SYNM: variants seen among roughly 807,000 people sequenced by gnomAD.
SYNM encodes the protein desmuslin.
In SYNM, 95 loss-of-function variants were observed where a neutral mutation model predicts 104.0. The ratio of observed to expected loss-of-function variants is 0.91; its 90% CI spans 0.77 to 1.08. The LOEUF (loss-of-function observed/expected upper bound fraction) is 1.08. Among genes scored for constraint, SYNM ranks in the 50% least tolerant of loss-of-function variants. The probability of loss-of-function intolerance (pLI) is 0.00; values close to 1 mark genes in which losing one functional copy is unlikely to be tolerated. For missense variants in SYNM, 2,150 were observed against 2,052.2 expected, an observed-to-expected ratio of 1.05 and a Z score of -0.92; for synonymous variants, 918 against 869.0, an observed-to-expected ratio of 1.06 and a Z score of -0.99.
At chr15:99,138,613 C>G (rs1220856657), downstream of SYNM, among the ~76,000 whole-genome samples, 1 of 152,220 alleles carries the variant, frequency 6.6e-6, no homozygotes, top group Non-Finnish European at 1.5e-5. Context: ...TCGCCTGGCC[C>G]CTCCCATCTT....
rs372776089 is a variant in SYNM at position 99,113,734 on chromosome 15, G to T, written c.935+19G>T. ...CCTACCGGTAAGGAGACTGTGCTGA[G>T]TTGGCCTTGACGAAGCCATGGGGGT... On this transcript the variant is annotated intron_variant, in intron 2 of 3. Transcript: ENST00000336292. The T allele has an allele frequency of 8.7e-6, 14 of 1,612,846 alleles. No homozygotes were observed. The highest frequency in any genetic ancestry group is 1.2e-5 in the Non-Finnish European group (14 of 1,179,352).
intron 2 of SYNM, among the ~76,000 whole-genome samples, chr15:99,124,408 G>A (rs1239540492): frequency 1.3e-5 from 2 of 152,154 alleles, no homozygotes; most frequent in African/African-American, 4.8e-5. Context: ...GTGCCCAGCC[G>A]GGTGCTCACA....
At position 99,112,246 on chromosome 15, in the gene SYNM, T is replaced by C. The variant is rs142951767; in HGVS notation, c.811-1345T>C. Among the ~76,000 whole-genome samples the C allele has an allele frequency of 3.7e-4, 56 of 152,332 alleles. 1 individual carries two copies. In the South Asian group the frequency reaches 5.4e-3, roughly 15 times the overall value. On this transcript the variant is annotated intron_variant, in intron 1 of 3. Coordinates refer to ENST00000336292, the MANE Select transcript of SYNM (RefSeq NM_145728.3). ...TTTGAATTCTACAAAGATAAATGTT[T>C]ATAGGTCTAGCTTAGTTTAGTTAAT...
intron 2 of SYNM, among the ~76,000 whole-genome samples, chr15:99,119,678 G>C (rs912163235): frequency 4.6e-5 from 7 of 152,180 alleles, no homozygotes; most frequent in Non-Finnish European, 8.8e-5. Flanking sequence ...GACTTGGATT[G>C]GACAGAATCT....
chr15:99,112,674 G>A (rs998523150), intron 1 of SYNM, among the ~76,000 whole-genome samples: 8 of 152,168 alleles, frequency 5.3e-5, no homozygotes, highest in Non-Finnish European at 7.3e-5. Flanking sequence ...CTTACTAGCT[G>A]CACTGTGCAA....
chr15:99,129,637 G>T lies in SYNM; in HGVS notation c.1277G>T (p.Arg426Ile), dbSNP rs2067479436. The T allele has an allele frequency of 6.2e-7, 1 of 1,613,940 alleles. No individual in the cohort carries two copies. ...GCCGTCAGCAGTCAAACCAACGTCA[G>T]AACTTTCTCTCCAACCTATGGCCTT... ...GKAVSSQTNV[R>I]TFSPTYGLLR... The change falls in exon 4 of 4, where the codon AGA becomes ATA. Residue 426 changes from arginine to isoleucine, a missense_variant. Coordinates refer to ENST00000336292, the MANE Select transcript of SYNM (RefSeq NM_145728.3).
At chr15:99,117,623 C>T (rs1226633291) in intron 2 of SYNM, among the ~76,000 whole-genome samples, 1 of 152,180 alleles carries the variant, frequency 6.6e-6, no homozygotes, top group African/African-American at 2.4e-5. Context: ...TATTTTGTGC[C>T]TTGCCTTTGG....
chr15:99,114,727 G>A (rs1264133773), intron 2 of SYNM, among the ~76,000 whole-genome samples: 7 of 151,898 alleles, frequency 4.6e-5, no homozygotes, highest in Admixed American at 1.3e-4. Context: ...CAGTCCCCCT[G>A]GGTGTGGCCT....
chr15:99,138,925 G>C (rs1395269483), downstream of SYNM, among the ~76,000 whole-genome samples: 1 of 152,184 alleles, frequency 6.6e-6, no homozygotes, highest in Non-Finnish European at 1.5e-5. Flanking sequence ...GGACGTAGGG[G>C]CCAGCCTTTA....
Position 99,131,531 on chromosome 15 carries a change from G to T in SYNM, c.3171G>T (p.Glu1057Asp). The T allele has an allele frequency of 6.2e-7, 1 of 1,607,882 alleles. No individual in the cohort carries two copies. The highest frequency in any genetic ancestry group is 1.6e-4 in the Middle Eastern group (1 of 6,062). Residue 1057 changes from glutamate (E) to aspartate (D), a missense_variant, in exon 4 of 4, where the codon GAG becomes GAT. Coordinates refer to ENST00000336292, the MANE Select transcript of SYNM (RefSeq NM_145728.3). The surrounding 1 kb of genome is among the most constrained non-coding windows in gnomAD (Gnocchi z 4.3). ...GCCCAGATGAGGAAGGTGGAGCGGAGGCCCCGGCTGCTGGCATTCGCTTTA... is the reference window on the plus strand; with the variant it reads ...GCCCAGATGAGGAAGGTGGAGCGGATGCCCCGGCTGCTGGCATTCGCTTTA... Reference protein sequence around the residue: ...PGSPDEEGGAEAPAAGIRFRR... With the variant: ...PGSPDEEGGADAPAAGIRFRR...
downstream of SYNM, among the ~76,000 whole-genome samples, chr15:99,136,112 T>G (rs1400950538): frequency 1.3e-5 from 2 of 152,202 alleles, no homozygotes; most frequent in African/African-American, 2.4e-5. Context: ...TTTGTAACCT[T>G]GTAGCCCTTT....
chr15:99,108,743 G>A (rs1432762777), intron 1 of SYNM, among the ~76,000 whole-genome samples: 1 of 152,168 alleles, frequency 6.6e-6, no homozygotes, highest in Admixed American at 6.5e-5. Flanking sequence ...AGTTAAGCCA[G>A]GATTCAACTC....
chr15:99,119,914 C>T (rs1181237205), intron 2 of SYNM, among the ~76,000 whole-genome samples: 1 of 152,298 alleles, frequency 6.6e-6, no homozygotes, highest in Middle Eastern at 3.4e-3. Context: ...TGTCATCATC[C>T]ATCTTACTTT....
rs375376275 is a variant in SYNM, at chr15:99,132,850, A to G, written c.4490A>G (p.Asn1497Ser). The G allele has an allele frequency of 2.8e-5, 45 of 1,613,942 alleles. No homozygotes were observed. The highest frequency in any genetic ancestry group is 3.6e-5 in the Non-Finnish European group (42 of 1,179,870). ...RGSWRDADSR[N>S]DQAVGVSFKA... The stretch of plus-strand genomic sequence containing the variant: ...TCCTGGAGAGACGCGGACAGTAGGA[A>G]TGACCAGGCAGTTGGTGTGAGCTTT... Residue 1497 changes from asparagine (N) to serine (S), a missense_variant, in exon 4 of 4, where the codon AAT becomes AGT. Coordinates refer to ENST00000336292, the MANE Select transcript of SYNM (RefSeq NM_145728.3).
intron 2 of SYNM, among the ~76,000 whole-genome samples, chr15:99,121,708 C>T (rs2067402502): frequency 1.3e-5 from 2 of 152,188 alleles, no homozygotes; most frequent in Admixed American, 6.5e-5. Flanking sequence ...ACACACTCAG[C>T]ATAGAGCCCA....
chr15:99,138,993 A>C, downstream of SYNM: 1 of 406,278 alleles, frequency 2.5e-6, no homozygotes, highest in Non-Finnish European at 4.6e-6. Flanking sequence ...GGCAGAGGGA[A>C]GCCGGAAGCA....
At position 99,135,196 on chromosome 15, in the gene SYNM, G is replaced by A. The variant is rs2067556869; in HGVS notation, c.*2138G>A. ...AATTATCATCTGCAAGTTTCAAGAAGTATTCTGCCAAAAGTATTTACAAGT... is the reference window on the plus strand; with the variant it reads ...AATTATCATCTGCAAGTTTCAAGAAATATTCTGCCAAAAGTATTTACAAGT... On this transcript the variant is annotated 3_prime_UTR_variant, in exon 4 of 4. Coordinates refer to ENST00000336292, the MANE Select transcript of SYNM (RefSeq NM_145728.3). The A allele has an allele frequency of 6.6e-6, 1 of 152,658 alleles. No homozygotes were observed. The highest frequency in any genetic ancestry group is 1.5e-5 in the Non-Finnish European group (1 of 68,034). The allele number at this position is 152,658 out of a possible 1,614,324, so 9.5% of individuals were successfully genotyped here.
intron 3 of SYNM, among the ~76,000 whole-genome samples, chr15:99,128,482 A>G (rs1488189877): frequency 6.6e-6 from 1 of 152,216 alleles, no homozygotes; most frequent in African/African-American, 2.4e-5. Flanking sequence ...TCTTTCCTGT[A>G]TCTTGGGATC....
At chr15:99,137,901 G>A (rs1008069494), downstream of SYNM, 33 of 1,529,964 alleles carry the variant, frequency 2.2e-5, no homozygotes, top group Non-Finnish European at 5.3e-6. Context: ...GTTGGCCTTG[G>A]AAATCTGTAT....
Sources: gnomAD v4.1 joint callset for allele counts (sites outside exome capture counted in the v4.1 genomes callset) on GRCh38, gnomAD v4.1.1 for gene constraint, Gnocchi (gnomAD v3.1) non-coding constraint, MANE v1.5 for transcripts, NCBI Gene and HGNC (gene_info 2026-07-23, HGNC 2026-07-21) for gene names.